MAGI2: variants seen among roughly 807,000 people sequenced by gnomAD.
MAGI2 encodes the protein membrane-associated guanylate kinase, WW and PDZ domain-containing protein 2.
MAGI2 carries 35 observed loss-of-function variants against 133.3 expected under a neutral mutation model. That is an observed-to-expected ratio of 0.26 (90% CI 0.20 to 0.35). MAGI2 has a LOEUF of 0.35. MAGI2 is among the 10% of genes least tolerant of loss of function. MAGI2 has a pLI of 1.00. For synonymous variants in MAGI2, 729 were observed against 710.6 expected (o/e 1.03, Z -0.41); for missense variants, 1,636 against 1,863.4 (o/e 0.88, Z 2.25).
intron 6 of MAGI2, among the ~76,000 whole-genome samples, chr7:78,404,404 C>T (rs1797184745): frequency 6.6e-6 from 1 of 152,146 alleles, no homozygotes; most frequent in South Asian, 2.1e-4. Context: ...CATCATGCTA[C>T]CTGACTTCAA....
intron 20 of MAGI2, among the ~76,000 whole-genome samples, chr7:78,084,247 G>A (rs1176046433): frequency 6.6e-6 from 1 of 152,158 alleles, no homozygotes; most frequent in Non-Finnish European, 1.5e-5. Context: ...AGCTATGGAC[G>A]ATTTTTGTGG....
chr7:78,965,870 T>G (rs1436999323), intron 2 of MAGI2, among the ~76,000 whole-genome samples: 2 of 152,092 alleles, frequency 1.3e-5, no homozygotes, highest in Non-Finnish European at 2.9e-5. Context: ...GTCATGACAT[T>G]TCAGTTCACC....
chr7:78,085,266 T>G (rs1816491079), intron 20 of MAGI2, among the ~76,000 whole-genome samples: 1 of 152,144 alleles, frequency 6.6e-6, no homozygotes, highest in African/African-American at 2.4e-5. Context: ...TGTTGGCTCA[T>G]GCCTATAATC....
At chr7:78,657,665 C>T (rs1268991001) in intron 2 of MAGI2, among the ~76,000 whole-genome samples, 1 of 152,134 alleles carries the variant, frequency 6.6e-6, no homozygotes, top group African/African-American at 2.4e-5. Context: ...AAAAGGAAGG[C>T]ATAAATAGGC....
chr7:78,713,102 T>C (rs536785633), intron 2 of MAGI2, among the ~76,000 whole-genome samples: 37 of 152,248 alleles, frequency 2.4e-4, no homozygotes, highest in African/African-American at 6.5e-4. Context: ...AATGTGAGAC[T>C]ATGTTTGAAA....
chr7:79,224,737 T>A (rs1413517179), intron 1 of MAGI2, among the ~76,000 whole-genome samples: 3 of 152,164 alleles, frequency 2.0e-5, no homozygotes, highest in Non-Finnish European at 4.4e-5. Flanking sequence ...ATATTGTACA[T>A]CCCATTTATG....
intron 2 of MAGI2, among the ~76,000 whole-genome samples, chr7:78,985,545 T>C (rs1480304586): frequency 6.6e-6 from 1 of 151,436 alleles, no homozygotes; most frequent in Non-Finnish European, 1.5e-5. Flanking sequence ...GATGTGGGCT[T>C]TCACCATTTG....
intron 8 of MAGI2, chr7:78,345,530 C>T (rs569822075): frequency 1.4e-4 from 25 of 179,994 alleles, no homozygotes; most frequent in Non-Finnish European, 2.2e-4. Context: ...AGCACGGGGG[C>T]GGATGGATTT....
intron 1 of MAGI2, among the ~76,000 whole-genome samples, chr7:79,184,491 AAAAC>A (rs1025555061): frequency 1.3e-5 from 2 of 151,704 alleles, no homozygotes; most frequent in African/African-American, 4.8e-5. Flanking sequence ...GTTAAAATAA[AAAAC>A]AAACTAAAAT....
At chr7:79,121,609 G>T (rs553753768) in intron 1 of MAGI2, among the ~76,000 whole-genome samples, 1 of 152,000 alleles carries the variant, frequency 6.6e-6, no homozygotes, top group South Asian at 2.1e-4. Flanking sequence ...AACTCATCTT[G>T]CCTTAGAAAC....
At chr7:79,431,765 A>C (rs1847793886) in intron 1 of MAGI2, among the ~76,000 whole-genome samples, 1 of 152,200 alleles carries the variant, frequency 6.6e-6, no homozygotes, top group Admixed American at 6.5e-5. Flanking sequence ...TGGGTACTAT[A>C]ACTGTCTGTG....
At chr7:78,163,906 C>CAA (rs35152410) in intron 15 of MAGI2, among the ~76,000 whole-genome samples, 21,135 of 126,190 alleles carry the variant, frequency 0.17, 2,028 homozygotes, top group South Asian at 0.24. Context: ...GACTCCGTCT[C>CAA]AAAAAAAAAA....
In MAGI2 at chr7:78,309,610, C is replaced by T. The variant is rs138275287; in HGVS notation, c.1408+34168G>A. ...GGGTGAAGGAATCATATACCCCAAA[C>T]GTCAGTGTCACACAATATACCAATG... On this transcript the variant is annotated intron_variant, in intron 9 of 21. Transcript: ENST00000354212. Among the ~76,000 whole-genome samples, 552 of 152,060 alleles carry T rather than the reference C, an allele frequency of 3.6e-3. 4 individuals carry two copies. The highest frequency in any genetic ancestry group is 6.8e-3 in the Non-Finnish European group (461 of 67,984).
intron 1 of MAGI2, among the ~76,000 whole-genome samples, chr7:79,200,682 T>C (rs1243201616): frequency 2.0e-5 from 3 of 151,818 alleles, no homozygotes; most frequent in Non-Finnish European, 4.4e-5. Context: ...GAAAGTGTTA[T>C]CCCCATTGTT....
intron 1 of MAGI2, chr7:79,413,507 G>C (rs1384739493): frequency 6.6e-6 from 1 of 152,162 alleles, no homozygotes; most frequent in Non-Finnish European, 1.5e-5. Flanking sequence ...AGTTCTGCTA[G>C]TGGCACAAAC....
chr7:78,586,918 T>G (rs9918629), intron 3 of MAGI2, among the ~76,000 whole-genome samples: 1 of 152,216 alleles, frequency 6.6e-6, no homozygotes, highest in African/African-American at 2.4e-5. Context: ...CTTACTTTTT[T>G]AAGGCTGAAC....
chr7:78,580,052 T>C (rs1802674763), intron 3 of MAGI2, among the ~76,000 whole-genome samples: 1 of 152,190 alleles, frequency 6.6e-6, no homozygotes. Flanking sequence ...AAATGTAACT[T>C]AGAATGAAGC....
intron 3 of MAGI2, among the ~76,000 whole-genome samples, chr7:78,552,302 G>C (rs1799414364): frequency 6.7e-6 from 1 of 148,516 alleles, no homozygotes; most frequent in Non-Finnish European, 1.5e-5. Context: ...TCCTGACTCA[G>C]CCTTCCAAGT....
intron 6 of MAGI2, among the ~76,000 whole-genome samples, chr7:78,429,742 ATTTT>A (rs1481020886): frequency 3.3e-5 from 5 of 151,984 alleles, no homozygotes; most frequent in African/African-American, 1.2e-4. Context: ...AGAAAATATA[ATTTT>A]ATTTAGAAAT....
Sources: gnomAD v4.1 joint callset for allele counts (sites outside exome capture counted in the v4.1 genomes callset) on GRCh38, gnomAD v4.1.1 for gene constraint, MANE v1.5 for transcripts, NCBI Gene and HGNC (gene_info 2026-07-23, HGNC 2026-07-21) for gene names.